Variants in ARHGEF17 observed in about 807,000 individuals in gnomAD.
ARHGEF17 encodes the protein Rho guanine nucleotide exchange factor 17.
A neutral mutation model predicts 174.0 loss-of-function variants in ARHGEF17; 80 were observed. The observed-to-expected ratio is 0.46, with a 90% CI of 0.38 to 0.55. ARHGEF17 has a LOEUF of 0.55. Ranked by LOEUF, ARHGEF17 falls within the 20% of genes least tolerant of loss-of-function variation. The probability of loss-of-function intolerance (pLI) is 0.00; values close to 1 mark genes in which losing one functional copy is unlikely to be tolerated. For missense variants in ARHGEF17, 2,886 were observed against 2,839.7 expected (o/e 1.02, Z -0.37); for synonymous variants, 1,311 against 1,189.1 (o/e 1.10, Z -2.11).
chr11:73,330,453 A>AT (rs1363574616), intron 1 of ARHGEF17, among the ~76,000 whole-genome samples: 2 of 152,174 alleles, frequency 1.3e-5, no homozygotes, highest in Non-Finnish European at 2.9e-5. Context: ...GGTGTGTAGT[A>AT]TGAGTTATGA....
chr11:73,310,090 G>A lies in ARHGEF17; in HGVS notation c.1452G>A (p.Glu484=), dbSNP rs1453259535. The change falls in exon 1 of 21, where the codon GAG becomes GAA. Residue 484 remains glutamate (E), a synonymous_variant. Coordinates refer to ENST00000263674, the MANE Select transcript of ARHGEF17 (RefSeq NM_014786.4). ...LLSFLRSDLS[E]LRVRKPGGSS... is the part of the protein sequence containing the mutation. ...GTTTCCTGCGCTCAGACCTTTCAGA[G>A]CTGAGGGTCCGAAAACCTGGTGGGA... 1.9e-6 allele frequency: 3 copies of A among 1,614,162 alleles called. No individual in the cohort carries two copies. The highest frequency in any genetic ancestry group is 2.5e-6 in the Non-Finnish European group (3 of 1,180,032).
intron 1 of ARHGEF17, among the ~76,000 whole-genome samples, chr11:73,325,201 C>A (rs1298279499): frequency 6.6e-6 from 1 of 152,174 alleles, no homozygotes; most frequent in African/African-American, 2.4e-5. Context: ...AGGCCCAGAC[C>A]CGCAGCCAGC....
intron 1 of ARHGEF17, among the ~76,000 whole-genome samples, chr11:73,340,947 G>A (rs1280755384): frequency 6.6e-6 from 1 of 152,246 alleles, no homozygotes; most frequent in African/African-American, 2.4e-5. Context: ...GGGAGGGTAA[G>A]AGGCAGAGAG....
rs146724245 is a variant in ARHGEF17 at position 73,341,072 on chromosome 11, G to A, written c.3193-5811G>A. Among the ~76,000 whole-genome samples the A allele has an allele frequency of 3.9e-5, 6 of 152,300 alleles. No homozygotes were observed. The East Asian group carries it at 1.2e-3, about 29-fold the overall frequency. ...GCCAGCCTTCCTTATAAGTGCCCTG[G>A]CTTACAAAAGGGACAAGGACGCTGC... On this transcript the variant is annotated intron_variant, in intron 1 of 20. Transcript: ENST00000263674.
Position 73,362,074 on chromosome 11 carries a change from C to G in ARHGEF17, c.4529C>G (p.Pro1510Arg). ...SCAAPTLNSCPEPSPEVWVCN... is the reference protein window; with the variant it reads ...SCAAPTLNSCREPSPEVWVCN... ...GCGGCTCCCACCCTGAACAGCTGCCCGGAGCCCTCGCCTGAGGTATGGGTC... is the reference window on the plus strand; with the variant it reads ...GCGGCTCCCACCCTGAACAGCTGCCGGGAGCCCTCGCCTGAGGTATGGGTC... Residue 1510 changes from proline (P) to arginine (R), a missense_variant, in exon 13 of 21, where the codon CCG becomes CGG. Transcript: ENST00000263674. 6.2e-7 allele frequency: 1 copy of G among 1,612,830 alleles called. No individual in the cohort carries two copies. Among genetic ancestry groups the G allele is most frequent in the Non-Finnish European group, 8.5e-7 (1 of 1,179,896 alleles).
At chr11:73,352,717 G>A in intron 2 of ARHGEF17, 113 bp from the exon 3 acceptor site, 1 of 1,148,586 alleles carries the variant, frequency 8.7e-7, no homozygotes, top group African/African-American at 1.5e-5. Flanking sequence ...GGAAGGCAGG[G>A]CGCTGAGCTG....
At position 73,326,635 on chromosome 11, in the gene ARHGEF17, G is replaced by T. The variant is rs190325686; in HGVS notation, c.3192+14805G>T. Among the ~76,000 whole-genome samples the T allele has an allele frequency of 5.3e-3, 807 of 152,244 alleles. 7 individuals are homozygous for T. Among genetic ancestry groups the T allele is most frequent in the African/African-American group, 0.019 (778 of 41,550 alleles). On this transcript the variant is annotated intron_variant, in intron 1 of 20. Coordinates refer to ENST00000263674, the MANE Select transcript of ARHGEF17 (RefSeq NM_014786.4). ...CTCGGGAGGCTGAGGCAGGAGAATCGCTTGAACCCAGGAGGTAGAGGTTGC... is the reference window on the plus strand; with the variant it reads ...CTCGGGAGGCTGAGGCAGGAGAATCTCTTGAACCCAGGAGGTAGAGGTTGC...
chr11:73,310,772 G>T lies in ARHGEF17; in HGVS notation c.2134G>T (p.Val712Phe). The T allele has an allele frequency of 6.2e-7, 1 of 1,611,976 alleles. No homozygotes were observed. Among genetic ancestry groups the T allele is most frequent in the Non-Finnish European group, 8.5e-7 (1 of 1,179,112 alleles). Residue 712 changes from valine to phenylalanine, a missense_variant, in exon 1 of 21, where the codon GTC becomes TTC. Transcript: ENST00000263674. Reference protein sequence around the residue: ...TPGALRRRRKVPPSGSGGSEL... With the variant: ...TPGALRRRRKFPPSGSGGSEL... ...AGGTGCCCTCCGCCGACGACGCAAA[G>T]TCCCACCTTCAGGTTCTGGTGGGAG...
At chr11:73,361,023 C>T in intron 11 of ARHGEF17, 65 bp from the exon 12 acceptor site, 3 of 1,379,894 alleles carry the variant, frequency 2.2e-6, no homozygotes, top group South Asian at 1.2e-5. Context: ...GGGGCAGGGG[C>T]AGGACCAGGG....
chr11:73,361,184 T>G, intron 12 of ARHGEF17, 23 bp downstream of exon 12: 3 of 1,611,030 alleles, frequency 1.9e-6, no homozygotes, highest in Non-Finnish European at 2.5e-6. Context: ...CTGGGTCACT[T>G]GGGTACATGT....
chr11:73,332,282 AC>A lies in ARHGEF17; in HGVS notation c.3193-14598del, dbSNP rs567680808. ...GAGTGGTCTCTGGCTCTACCCCTCT[AC>A]CCACCTTTGTCCAGGGCCCCTGCCC... On this transcript the variant is annotated intron_variant, in intron 1 of 20. Coordinates refer to ENST00000263674, the MANE Select transcript of ARHGEF17 (RefSeq NM_014786.4). Among the ~76,000 whole-genome samples the A allele has an allele frequency of 1.5e-4, 23 of 148,700 alleles. No individual in the cohort carries two copies. In the South Asian group the frequency reaches 4.9e-3, roughly 32 times the overall value.
rs765052128 is a variant in ARHGEF17 at position 73,311,611 on chromosome 11, T to C, written c.2973T>C (p.Pro991=). The change falls in exon 1 of 21, where the codon CCT becomes CCC. Residue 991 remains proline, a synonymous_variant. Transcript: ENST00000263674. ...CTGTGCCAGAACCCATAGGCTTCCC[T>C]ACCCGAGCCCATCCCACGTTGCAGG... ...PVAVPEPIGF[P]TRAHPTLQAP... 5 of 1,613,262 alleles carry C rather than the reference T, an allele frequency of 3.1e-6. No homozygotes were observed. Among genetic ancestry groups the C allele is most frequent in the Admixed American group, 1.7e-5 (1 of 60,018 alleles).
chr11:73,362,290 C>A (rs1337841218), intron 13 of ARHGEF17, 51 bp downstream of exon 13: 4 of 1,464,702 alleles, frequency 2.7e-6, no homozygotes, highest in Non-Finnish European at 3.6e-6. Flanking sequence ...GGAGAACCAA[C>A]CCCTGTCCCA....
chr11:73,342,956 G>T (rs1172545533), intron 1 of ARHGEF17: 5 of 190,100 alleles, frequency 2.6e-5, no homozygotes, highest in Non-Finnish European at 4.3e-5. Flanking sequence ...CAGCGCCGCC[G>T]GCGGCCGGGC....
chr11:73,329,365 A>ATT (rs1865162917), intron 1 of ARHGEF17, among the ~76,000 whole-genome samples: 1 of 2,230 alleles, frequency 4.5e-4, no homozygotes, highest in African/African-American at 1.3e-3. Context: ...ATATATATAT[A>ATT]TATATATATT....
intron 1 of ARHGEF17, among the ~76,000 whole-genome samples, chr11:73,312,221 GCTACTCTGTTGGCCAGAC>G (rs1864850601): frequency 6.6e-6 from 1 of 152,192 alleles, no homozygotes; most frequent in African/African-American, 2.4e-5. Flanking sequence ...TCTGAGGCTT[GCTACTCTGTTGGCCAGAC>G]CCTTGATAGG....
At chr11:73,339,795 T>C (rs989149341) in intron 1 of ARHGEF17, among the ~76,000 whole-genome samples, 1 of 152,114 alleles carries the variant, frequency 6.6e-6, no homozygotes, top group African/African-American at 2.4e-5. Context: ...GAGCCCTTTT[T>C]CCCCCTCTCT....
chr11:73,319,063 G>A (rs964048208), intron 1 of ARHGEF17, among the ~76,000 whole-genome samples: 1 of 142,090 alleles, frequency 7.0e-6, no homozygotes, highest in Non-Finnish European at 1.5e-5. Context: ...TCCTTCCTCC[G>A]TCTTTTTTTT....
intron 1 of ARHGEF17, among the ~76,000 whole-genome samples, chr11:73,329,065 A>G (rs1565193421): frequency 4.6e-5 from 7 of 151,838 alleles, no homozygotes; most frequent in Admixed American, 4.6e-4. Flanking sequence ...TATTTTGAAT[A>G]GATGATATAT....
Sources: gnomAD v4.1 joint callset for allele counts (sites outside exome capture counted in the v4.1 genomes callset) on GRCh38, gnomAD v4.1.1 for gene constraint, MANE v1.5 for transcripts, NCBI Gene and HGNC (gene_info 2026-07-23, HGNC 2026-07-21) for gene names.